The following CCDC39 variants were observed in gnomAD, a reference collection of about 807,000 sequenced individuals.
The protein encoded by CCDC39 is coiled-coil domain 39 molecular ruler complex subunit.
CCDC39 carries 113 observed loss-of-function variants against 121.0 expected under a neutral mutation model. The observed-to-expected ratio is 0.93, with a 90% CI of 0.80 to 1.09. CCDC39 has a LOEUF of 1.09. Among genes scored for constraint, CCDC39 ranks in the 50% least tolerant of loss-of-function variants. The pLI is 0.00. For synonymous variants in CCDC39, 349 were observed against 352.2 expected, an observed-to-expected ratio of 0.99 and a Z score of 0.10; for missense variants, 1,063 against 1,074.7, an observed-to-expected ratio of 0.99 and a Z score of 0.15.
Position 180,631,549 on chromosome 3 carries a change from T to C in CCDC39, c.1918A>G (p.Asn640Asp), listed in dbSNP as rs780683441. The C allele has an allele frequency of 6.2e-7, 1 of 1,609,254 alleles. No homozygotes were observed. The highest frequency in any genetic ancestry group is 2.2e-5 in the East Asian group (1 of 44,854). Residue 640 changes from asparagine to aspartate, a missense_variant, in exon 14 of 20, where the codon AAT (asparagine) becomes GAT (aspartate). Transcript: ENST00000476379. Reference sequence around the variant, plus strand: ...ACAACAGTCAGAATTTCATATCTATTCTTCAGCTTCTCAATTTTACTTAGC... The same window carrying C: ...ACAACAGTCAGAATTTCATATCTATCCTTCAGCTTCTCAATTTTACTTAGC... ...ERLSKIEKLK[N>D]RYEILTVVML...
At chr3:180,631,123 A>T (rs1018766623) in intron 14 of CCDC39, among the ~76,000 whole-genome samples, 2 of 152,220 alleles carry the variant, frequency 1.3e-5, no homozygotes, top group African/African-American at 4.8e-5. Flanking sequence ...AAATAATAGC[A>T]AAAAGAAAAA....
chr3:180,655,780 G>C (rs1056753038), intron 6 of CCDC39, among the ~76,000 whole-genome samples: 2 of 152,124 alleles, frequency 1.3e-5, no homozygotes, highest in Non-Finnish European at 2.9e-5. Context: ...CAAATGTCAT[G>C]TTAAAGATCA....
At chr3:180,676,588 T>C (rs560417062) in intron 1 of CCDC39, among the ~76,000 whole-genome samples, 13 of 152,332 alleles carry the variant, frequency 8.5e-5, no homozygotes, top group African/African-American at 2.6e-4. Context: ...AGTGTGGCGA[T>C]TCCTGAAGGA....
chr3:180,662,958 T>G (rs994857892), intron 2 of CCDC39, among the ~76,000 whole-genome samples: 4 of 152,196 alleles, frequency 2.6e-5, no homozygotes, highest in African/African-American at 9.6e-5. Flanking sequence ...CAATGCTGTT[T>G]GCTGAGCTGC....
chr3:180,648,700 T>G (rs1281480797), intron 9 of CCDC39, among the ~76,000 whole-genome samples: 2 of 152,214 alleles, frequency 1.3e-5, no homozygotes, highest in East Asian at 3.9e-4. Flanking sequence ...CAGAGTTTCC[T>G]AAAGTCTTGA....
chr3:180,615,427 A>G (rs971205798), intron 19 of CCDC39, among the ~76,000 whole-genome samples: 4 of 152,200 alleles, frequency 2.6e-5, no homozygotes, highest in Admixed American at 2.6e-4. Context: ...GCTGGCAAAA[A>G]TAATTAAAAT....
At chr3:180,615,196 T>C (rs1048906604) in intron 19 of CCDC39, 119 bp from the exon 20 acceptor site, 2 of 671,704 alleles carry the variant, frequency 3.0e-6, no homozygotes, top group African/African-American at 3.8e-5. Context: ...AAGTACATAT[T>C]AATAGTGTTA....
At chr3:180,630,308 G>A (rs1229887306) in intron 14 of CCDC39, among the ~76,000 whole-genome samples, 1 of 152,138 alleles carries the variant, frequency 6.6e-6, no homozygotes, top group African/African-American at 2.4e-5. Flanking sequence ...GCAGAAGCCT[G>A]AGGTATTACA....
Position 180,651,470 on chromosome 3 carries a change from T to C in CCDC39, c.1098A>G (p.Lys366=). 6.4e-7 allele frequency: 1 copy of C among 1,550,868 alleles called. No individual in the cohort carries two copies. Among genetic ancestry groups the C allele is most frequent in the Non-Finnish European group, 8.7e-7 (1 of 1,145,454 alleles). ...TAGCTTTCTCTTCTACAGACATGGT[T>C]TTCTCAGTTATCTCCTTTAATTTTG... ...IQTKLKEITE[K]TMSVEEKATN... is the part of the protein sequence containing the mutation. Residue 366 remains lysine (K), a synonymous_variant, in exon 9 of 20, where the codon AAA becomes AAG. Transcript: ENST00000476379.
chr3:180,652,031 C>A, intron 8 of CCDC39, 132 bp downstream of exon 8: 2 of 552,702 alleles, frequency 3.6e-6, no homozygotes, highest in Non-Finnish European at 3.1e-6. Context: ...AGCAAGACTC[C>A]CTCTCAAAAA....
At chr3:180,618,843 T>C (rs1182908001) in intron 16 of CCDC39, among the ~76,000 whole-genome samples, 6 of 152,198 alleles carry the variant, frequency 3.9e-5, no homozygotes, top group Non-Finnish European at 8.8e-5. Flanking sequence ...GTCTTTGCTA[T>C]TGTGAATAGA....
At chr3:180,646,079 A>T (rs1718060740) in intron 11 of CCDC39, among the ~76,000 whole-genome samples, 1 of 152,158 alleles carries the variant, frequency 6.6e-6, no homozygotes, top group Non-Finnish European at 1.5e-5. Context: ...CTAAAATAAT[A>T]TTAATTTTTC....
chr3:180,669,318 C>CT (rs1711969673), intron 1 of CCDC39, among the ~76,000 whole-genome samples: 1 of 152,154 alleles, frequency 6.6e-6, no homozygotes, highest in Non-Finnish European at 1.5e-5. Flanking sequence ...GTATCACACA[C>CT]TTTCACCTCC....
At chr3:180,674,931 T>G (rs1022684674) in intron 1 of CCDC39, among the ~76,000 whole-genome samples, 2 of 152,166 alleles carry the variant, frequency 1.3e-5, no homozygotes, top group Admixed American at 6.5e-5. Context: ...GATATTGGAC[T>G]AAAAATTCTC....
chr3:180,662,014 A>T lies in CCDC39; in HGVS notation c.211-7T>A. The T allele has an allele frequency of 6.5e-7, 1 of 1,539,902 alleles. No homozygotes were observed. Among genetic ancestry groups the T allele is most frequent in the South Asian group, 1.3e-5 (1 of 79,706 alleles). On this transcript the variant is annotated splice_region_variant and splice_polypyrimidine_tract_variant and intron_variant, in intron 2 of 19. Transcript: ENST00000476379. The stretch of plus-strand genomic sequence containing the variant: ...CCCTTGCTTTGCAAAGAGACTACAG[A>T]ATAACACACAAGATAAAAAGGCTTT...
intron 14 of CCDC39, among the ~76,000 whole-genome samples, chr3:180,630,800 C>G (rs1264643223): frequency 1.3e-5 from 2 of 152,152 alleles, no homozygotes; most frequent in Non-Finnish European, 1.5e-5. Flanking sequence ...AAAACAGATT[C>G]ACCTGGTCTG....
intron 9 of CCDC39, among the ~76,000 whole-genome samples, chr3:180,649,879 G>A (rs1382884334): frequency 6.6e-6 from 1 of 152,072 alleles, no homozygotes. Context: ...TCTGTTACAG[G>A]GAATTATGCT....
chr3:180,628,450 A>C (rs1717616861), intron 14 of CCDC39, among the ~76,000 whole-genome samples: 1 of 152,056 alleles, frequency 6.6e-6, no homozygotes, highest in African/African-American at 2.4e-5. Context: ...CTCGTGATCC[A>C]CCCACCTCGG....
rs188887993 is a variant in CCDC39 at position 180,631,015 on chromosome 3, A to G, written c.1998+454T>C. On this transcript the variant is annotated intron_variant, in intron 14 of 19. Coordinates refer to ENST00000476379, the MANE Select transcript of CCDC39 (RefSeq NM_181426.2). ...AAGTAAAGGAAAGCTTTAAGCCTCA[A>G]TTGTTGAACAGGTTGTCACATGCAT... Among the ~76,000 whole-genome samples, 6 of 152,338 alleles carry G rather than the reference A, an allele frequency of 3.9e-5. No individual in the cohort carries two copies. In the East Asian group the frequency reaches 5.8e-4, roughly 15 times the overall value.
Sources: allele counts gnomAD v4.1 joint callset (sites outside exome capture counted in the v4.1 genomes callset), GRCh38; gene constraint gnomAD v4.1.1; transcripts MANE v1.5; gene names NCBI Gene and HGNC (gene_info 2026-07-23, HGNC 2026-07-21).